The following PRKG2 variants were observed in gnomAD, a reference collection of about 807,000 sequenced individuals.
PRKG2 encodes the protein cGMP-dependent protein kinase 2.
Under a neutral mutation model 97.2 loss-of-function variants are expected in PRKG2, and 33 were observed. The ratio of observed to expected loss-of-function variants is 0.34; its 90% CI spans 0.26 to 0.45. The LOEUF (loss-of-function observed/expected upper bound fraction) is 0.45, where lower values mean the gene tolerates loss of function less well. PRKG2 is among the 20% of genes least tolerant of loss of function. The pLI, the probability that PRKG2 is intolerant of heterozygous loss-of-function variation, is 1.00. For missense variants in PRKG2, 638 were observed against 900.0 expected (o/e 0.71, Z 3.73); for synonymous variants, 330 against 321.8 (o/e 1.03, Z -0.27).
At chr4:81,167,023 A>G in intron 6 of PRKG2, 138 bp downstream of exon 6, 1 of 604,318 alleles carries the variant, frequency 1.7e-6, no homozygotes, top group Non-Finnish European at 2.8e-6. Flanking sequence ...TTGGCTTAAG[A>G]TTTTTCACCA....
chr4:81,103,509 G>A (rs1466161440), intron 17 of PRKG2, among the ~76,000 whole-genome samples: 1 of 151,878 alleles, frequency 6.6e-6, no homozygotes, highest in Non-Finnish European at 1.5e-5. Flanking sequence ...AGAATTTGAG[G>A]ATATTCAAAG....
chr4:81,187,615 G>A (rs999873313), intron 2 of PRKG2, among the ~76,000 whole-genome samples: 1 of 151,980 alleles, frequency 6.6e-6, no homozygotes. Flanking sequence ...TTCTGGCCAG[G>A]GCAATCAGGC....
rs1741246762 is a variant in PRKG2 at position 81,088,013 on chromosome 4, T to C, written c.*1695A>G. On this transcript the variant is annotated 3_prime_UTR_variant, in exon 19 of 19. Transcript: ENST00000264399. ...TTAAAAATATATACATGGAAAAACA[T>C]ACAGTACAAACCAACCAAATTCAAA... The C allele has an allele frequency of 6.6e-6, 1 of 152,094 alleles. No homozygotes were observed. The highest frequency in any genetic ancestry group is 2.1e-4 in the South Asian group (1 of 4,834). 9.4% of individuals were successfully genotyped at this position (152,094 alleles called of 1,614,324 possible).
At position 81,104,357 on chromosome 4, in the gene PRKG2, A is replaced by G; in HGVS notation, c.2126+13T>C. On this transcript the variant is annotated intron_variant, in intron 17 of 18. Transcript: ENST00000264399. ...ATTTCTATATTTTTCTGGGCAAAGA[A>G]ATAATTATGTACCTGTGTTTCTTAA... 1 of 1,513,960 alleles carries G rather than the reference A, an allele frequency of 6.6e-7. No homozygotes were observed. Among genetic ancestry groups the G allele is most frequent in the Non-Finnish European group, 8.9e-7 (1 of 1,122,250 alleles). The allele number at this position is 1,513,960 out of a possible 1,614,324, so 93.8% of individuals were successfully genotyped here. A position where few individuals can be genotyped will look rare whatever the true frequency, so the allele number is the denominator to read the frequency against.
At chr4:81,143,620 T>C (rs1439794341) in intron 10 of PRKG2, among the ~76,000 whole-genome samples, 1 of 152,204 alleles carries the variant, frequency 6.6e-6, no homozygotes, top group East Asian at 1.9e-4. Flanking sequence ...GAAGTACTGA[T>C]TGAATATTCT....
At chr4:81,202,196 T>C (rs1184150284) in intron 2 of PRKG2, among the ~76,000 whole-genome samples, 2 of 152,186 alleles carry the variant, frequency 1.3e-5, no homozygotes, top group Non-Finnish European at 2.9e-5. Context: ...CTGTATAATA[T>C]AAAAGAGATA....
At chr4:81,179,506 C>A (rs11099460) in intron 2 of PRKG2, among the ~76,000 whole-genome samples, 36,363 of 152,026 alleles carry the variant, frequency 0.24, 8,456 homozygotes, top group African/African-American at 0.59. Context: ...GACTTGTAAC[C>A]GTGAAGAGCT....
intron 17 of PRKG2, among the ~76,000 whole-genome samples, chr4:81,096,368 C>CA (rs149467378): frequency 6.6e-6 from 1 of 151,258 alleles, no homozygotes; most frequent in Non-Finnish European, 1.5e-5. Flanking sequence ...CCCATCTCTA[C>CA]AAAAAAAATG....
At chr4:81,158,498 A>G (rs1315258852) in intron 6 of PRKG2, among the ~76,000 whole-genome samples, 1 of 148,822 alleles carries the variant, frequency 6.7e-6, no homozygotes, top group African/African-American at 2.6e-5. Flanking sequence ...GGAAGAATCA[A>G]TATCGTGAAA....
chr4:81,204,765 G>A lies in PRKG2; in HGVS notation c.283C>T (p.Gln95Ter), dbSNP rs1176638156. The change falls in exon 2 of 19, where the codon CAG (glutamine) becomes TAG (stop). Residue 95 changes from glutamine to a stop codon, truncating the protein, a stop_gained. Transcript: ENST00000264399. LOFTEE classifies it high-confidence loss of function. ...AGAGGCACTTTATCTGGAGAGGCCT[G>A]AAGCGGGCTTCCTCCCTGCATATGC... ...VVHMQGGSPLQASPDKVPLEV... is the reference protein window; with the variant it reads ...VVHMQGGSPL The A allele has an allele frequency of 6.2e-7, 1 of 1,614,106 alleles. No homozygotes were observed. Among genetic ancestry groups the A allele is most frequent in the Non-Finnish European group, 8.5e-7 (1 of 1,180,044 alleles).
chr4:81,162,362 A>G (rs1324404340), intron 6 of PRKG2, among the ~76,000 whole-genome samples: 1 of 152,148 alleles, frequency 6.6e-6, no homozygotes, highest in East Asian at 1.9e-4. Flanking sequence ...TTTATCTAAA[A>G]TAATCTGAGT....
chr4:81,130,559 G>A (rs1350288111), intron 14 of PRKG2, among the ~76,000 whole-genome samples: 1 of 152,124 alleles, frequency 6.6e-6, no homozygotes, highest in Non-Finnish European at 1.5e-5. Context: ...TGGCAGGCAG[G>A]AATGTTTAAG....
intron 2 of PRKG2, among the ~76,000 whole-genome samples, 188 bp downstream of exon 2, chr4:81,204,399 A>G (rs1361684235): frequency 1.3e-5 from 2 of 152,142 alleles, no homozygotes; most frequent in African/African-American, 2.4e-5. Context: ...TATATAGTAC[A>G]ATTTCTACTT....
intron 11 of PRKG2, 68 bp from the exon 12 acceptor site, chr4:81,140,737 A>G: frequency 2.2e-6 from 3 of 1,374,370 alleles, no homozygotes; most frequent in Non-Finnish European, 3.0e-6. Context: ...AATCAATGAG[A>G]GTTAAAACTG....
At chr4:81,205,713 A>G (rs922476334) in intron 1 of PRKG2, among the ~76,000 whole-genome samples, 8 of 152,210 alleles carry the variant, frequency 5.3e-5, no homozygotes, top group African/African-American at 1.9e-4. Context: ...CTTTATGTCC[A>G]AAGTGGAGGA....
chr4:81,105,711 GC>G, intron 16 of PRKG2, 101 bp downstream of exon 16: 1 of 1,481,548 alleles, frequency 6.7e-7, no homozygotes, highest in Non-Finnish European at 9.1e-7. Flanking sequence ...TATAAAAACA[GC>G]ACAAAAAGTA....
chr4:81,179,604 TAAAG>T (rs947438929), intron 2 of PRKG2, among the ~76,000 whole-genome samples: 5 of 152,114 alleles, frequency 3.3e-5, no homozygotes, highest in African/African-American at 1.2e-4. Flanking sequence ...TATGGGTGAT[TAAAG>T]AAAGCTTGTA....
chr4:81,186,308 A>T lies in PRKG2; in HGVS notation c.462-11349T>A, dbSNP rs375341376. On this transcript the variant is annotated intron_variant, in intron 2 of 18. Transcript: ENST00000264399. ...CAGTGCAATGAAATTAGAACTCAAG[A>T]TTAAGAAACTCACTCAAAACTGCAC... Among the ~76,000 whole-genome samples, 187 of 152,356 alleles carry T rather than the reference A, an allele frequency of 1.2e-3. 4 individuals are homozygous for T. The South Asian group carries it at 0.023, about 18-fold the overall frequency.
chr4:81,109,855 AAC>A (rs1211774286), intron 15 of PRKG2, among the ~76,000 whole-genome samples: 2 of 152,162 alleles, frequency 1.3e-5, no homozygotes, highest in Non-Finnish European at 2.9e-5. Context: ...TGGATTCACT[AAC>A]ACAGTCCTTT....
Sources: gnomAD v4.1 joint callset for allele counts (sites outside exome capture counted in the v4.1 genomes callset) on GRCh38, gnomAD v4.1.1 for gene constraint, MANE v1.5 for transcripts, NCBI Gene and HGNC (gene_info 2026-07-23, HGNC 2026-07-21) for gene names.